The following CNTNAP2 variants were observed in gnomAD, a reference collection of about 807,000 sequenced individuals.
CNTNAP2 encodes the protein contactin-associated protein-like 2.
CNTNAP2 carries 98 observed loss-of-function variants against 155.2 expected under a neutral mutation model. The ratio of observed to expected loss-of-function variants is 0.63; its 90% CI spans 0.54 to 0.75. CNTNAP2 has a LOEUF of 0.75. Among genes scored for constraint, CNTNAP2 ranks in the 30% least tolerant of loss-of-function variants. The pLI is 0.00. For missense variants in CNTNAP2, 1,727 were observed against 1,688.1 expected, an observed-to-expected ratio of 1.02 and a Z score of -0.40; for synonymous variants, 651 against 631.2, an observed-to-expected ratio of 1.03 and a Z score of -0.47.
chr7:146,752,969 G>A (rs1801931590), intron 1 of CNTNAP2, among the ~76,000 whole-genome samples: 1 of 152,144 alleles, frequency 6.6e-6, no homozygotes, highest in Non-Finnish European at 1.5e-5. Context: ...GAAAGTGAGT[G>A]AATCTCACTG....
At chr7:147,009,570 T>G (rs1313376465) in intron 3 of CNTNAP2, among the ~76,000 whole-genome samples, 2 of 152,202 alleles carry the variant, frequency 1.3e-5, no homozygotes, top group East Asian at 1.9e-4. Context: ...CTGTTTATTT[T>G]GAATTTGCAA....
chr7:146,832,827 C>A (rs1233173326), intron 2 of CNTNAP2, among the ~76,000 whole-genome samples: 2 of 151,946 alleles, frequency 1.3e-5, no homozygotes, highest in African/African-American at 4.8e-5. Flanking sequence ...TCCCTACTAG[C>A]TGGGATTACG....
At chr7:147,066,015 A>C (rs1319745568) in intron 4 of CNTNAP2, among the ~76,000 whole-genome samples, 1 of 152,160 alleles carries the variant, frequency 6.6e-6, no homozygotes, top group African/African-American at 2.4e-5. Flanking sequence ...GTTTTATAAA[A>C]CAAAACAAAA....
At chr7:146,477,303 A>T (rs1186344152) in intron 1 of CNTNAP2, among the ~76,000 whole-genome samples, 1 of 152,182 alleles carries the variant, frequency 6.6e-6, no homozygotes, top group Admixed American at 6.5e-5. Flanking sequence ...TCATACATAT[A>T]AAATGACTGT....
intron 8 of CNTNAP2, among the ~76,000 whole-genome samples, chr7:147,291,572 G>A (rs1321031266): frequency 6.6e-6 from 1 of 151,820 alleles, no homozygotes; most frequent in African/African-American, 2.4e-5. Context: ...TTTCCAATTT[G>A]CAACTGTCAT....
chr7:146,837,496 T>C (rs1803641417), intron 2 of CNTNAP2, among the ~76,000 whole-genome samples: 1 of 152,182 alleles, frequency 6.6e-6, no homozygotes, highest in South Asian at 2.1e-4. Context: ...ATAATTACTG[T>C]TTTTAAAGTC....
At chr7:148,410,125 A>G (rs1353484987) in intron 23 of CNTNAP2, among the ~76,000 whole-genome samples, 1 of 151,808 alleles carries the variant, frequency 6.6e-6, no homozygotes, top group East Asian at 1.9e-4. Context: ...GCTGGCTTGT[A>G]AAAAACAAAT....
At chr7:146,778,916 A>T (rs1023461632) in intron 2 of CNTNAP2, among the ~76,000 whole-genome samples, 1 of 152,200 alleles carries the variant, frequency 6.6e-6, no homozygotes. Context: ...AGAACACCTG[A>T]TCTCAACGGT....
chr7:146,771,252 T>G (rs1259670670), intron 1 of CNTNAP2, among the ~76,000 whole-genome samples: 4 of 152,194 alleles, frequency 2.6e-5, no homozygotes, highest in Non-Finnish European at 4.4e-5. Context: ...GGGCAGGGCA[T>G]TGTTAATTTC....
chr7:147,592,122 C>A (rs1213099071), intron 12 of CNTNAP2, among the ~76,000 whole-genome samples: 2 of 152,154 alleles, frequency 1.3e-5, no homozygotes, highest in African/African-American at 2.4e-5. Flanking sequence ...TGAACAGGGA[C>A]TGTGTCCTGA....
chr7:148,274,859 A>G (rs1169395303), intron 21 of CNTNAP2, among the ~76,000 whole-genome samples: 1 of 152,188 alleles, frequency 6.6e-6, no homozygotes, highest in Non-Finnish European at 1.5e-5. Context: ...GTTACTTAAC[A>G]TTGTGTGTAT....
intron 1 of CNTNAP2, among the ~76,000 whole-genome samples, chr7:146,680,522 C>T (rs2129169765): frequency 6.6e-6 from 1 of 152,190 alleles, no homozygotes; most frequent in Non-Finnish European, 1.5e-5. Flanking sequence ...AGAGTTTTGC[C>T]TCATTCTCTC....
chr7:146,641,196 G>A (rs998447298), intron 1 of CNTNAP2, among the ~76,000 whole-genome samples: 5 of 152,056 alleles, frequency 3.3e-5, no homozygotes, highest in African/African-American at 7.2e-5. Context: ...GCATGGTGGC[G>A]GGGGCCTGTA....
intron 1 of CNTNAP2, among the ~76,000 whole-genome samples, chr7:146,160,707 T>G (rs539454676): frequency 4.4e-4 from 67 of 152,226 alleles, no homozygotes; most frequent in African/African-American, 1.5e-3. Context: ...CAGGCAATAA[T>G]TAATAGCCTA....
chr7:147,950,552 TAGAC>T (rs1800910233), intron 14 of CNTNAP2, among the ~76,000 whole-genome samples: 1 of 152,152 alleles, frequency 6.6e-6, no homozygotes, highest in East Asian at 1.9e-4. Flanking sequence ...AATAGGAAAA[TAGAC>T]AGCTTCTGGG....
chr7:146,739,838 G>A (rs1443849059), intron 1 of CNTNAP2, among the ~76,000 whole-genome samples: 6 of 151,862 alleles, frequency 4.0e-5, no homozygotes, highest in Non-Finnish European at 7.4e-5. Flanking sequence ...GGGTACATAC[G>A]TATTTACAAT....
intron 12 of CNTNAP2, among the ~76,000 whole-genome samples, chr7:147,597,704 C>G (rs1800851173): frequency 6.6e-6 from 1 of 152,164 alleles, no homozygotes. Flanking sequence ...GTCTAAATCC[C>G]CCATCCTTCA....
At chr7:147,101,003 T>C (rs189272439) in intron 4 of CNTNAP2, among the ~76,000 whole-genome samples, 8 of 152,314 alleles carry the variant, frequency 5.3e-5, no homozygotes, top group African/African-American at 1.7e-4. Context: ...GAGGCTTATC[T>C]GAGGCTTAGA....
chr7:148,236,529 C>A (rs1054515114), intron 20 of CNTNAP2, among the ~76,000 whole-genome samples: 98 of 152,302 alleles, frequency 6.4e-4, no homozygotes, highest in African/African-American at 2.1e-3. Flanking sequence ...ACACACACGA[C>A]CATTCTGTCT....
Sources: gnomAD v4.1 joint callset for allele counts (sites outside exome capture counted in the v4.1 genomes callset) on GRCh38, gnomAD v4.1.1 for gene constraint, MANE v1.5 for transcripts, NCBI Gene and HGNC (gene_info 2026-07-23, HGNC 2026-07-21) for gene names.